Variants in EPHA6 observed in about 807,000 individuals in gnomAD.
EPHA6 encodes EPH receptor A6, also known as ephrin type-A receptor 6.
In EPHA6, 50 loss-of-function variants were observed where a neutral mutation model predicts 112.0. The observed-to-expected ratio is 0.45, with a 90% confidence interval of 0.36 to 0.56. EPHA6 has a LOEUF of 0.56. EPHA6 is among the 20% of genes least tolerant of loss of function. The probability of loss-of-function intolerance (pLI) is 0.00; values close to 1 mark genes in which losing one functional copy is unlikely to be tolerated. For synonymous variants in EPHA6, 529 were observed against 490.7 expected, an observed-to-expected ratio of 1.08 and a Z score of -1.03; for missense variants, 1,280 against 1,417.4, an observed-to-expected ratio of 0.90 and a Z score of 1.56.
intron 5 of EPHA6, among the ~76,000 whole-genome samples, chr3:97,255,773 A>T (rs1328372942): frequency 6.6e-6 from 1 of 152,174 alleles, no homozygotes. Context: ...TTAAAATCTC[A>T]TTAGACACTC....
chr3:97,573,555 C>A (rs1356643475), intron 11 of EPHA6, among the ~76,000 whole-genome samples: 1 of 151,806 alleles, frequency 6.6e-6, no homozygotes, highest in Non-Finnish European at 1.5e-5. Context: ...GTAAGGTAAC[C>A]AGTATGATGA....
At position 97,754,538 on chromosome 3, in the gene EPHA6, G is replaced by GA. The variant is rs1399160200; in HGVS notation, c.*5844dup. Among the ~76,000 whole-genome samples the GA allele has an allele frequency of 1.3e-5, 2 of 151,918 alleles. No individual in the cohort carries two copies. The highest frequency in any genetic ancestry group is 2.9e-5 in the Non-Finnish European group (2 of 67,968). Reference sequence around the variant, plus strand: ...GCAATCCAAAATTACATTTTAAAATGAAAAAAAGAGAAAACTTTTCAATTA... The same window carrying GA: ...GCAATCCAAAATTACATTTTAAAATGAAAAAAAAGAGAAAACTTTTCAATTA... On this transcript the variant is annotated 3_prime_UTR_variant, in exon 18 of 18. Coordinates refer to ENST00000389672, the MANE Select transcript of EPHA6 (RefSeq NM_001080448.3).
At chr3:97,645,933 G>A (rs760915783) in intron 14 of EPHA6, among the ~76,000 whole-genome samples, 6 of 152,068 alleles carry the variant, frequency 3.9e-5, no homozygotes, top group Non-Finnish European at 4.4e-5. Context: ...GAGAGGCTGC[G>A]AGGGCTTAAA....
At chr3:97,554,782 A>G (rs1046947216) in intron 11 of EPHA6, among the ~76,000 whole-genome samples, 2 of 151,980 alleles carry the variant, frequency 1.3e-5, no homozygotes, top group Admixed American at 6.6e-5. Context: ...TGTAGTCTGT[A>G]TCATGGTGGT....
rs184033902 is a variant in EPHA6 at position 97,398,921 on chromosome 3, A to C, written c.1607-6229A>C. ...TAATGATGAAATCAAGGTAATTAAC[A>C]TATACATCCCCTCAAACATTTATTT... On this transcript the variant is annotated intron_variant, in intron 5 of 17. Transcript: ENST00000389672. 1.3e-4 allele frequency among the ~76,000 whole-genome samples: 19 copies of C among 151,664 alleles called. No individual in the cohort carries two copies. The East Asian group carries it at 3.7e-3, about 29-fold the overall frequency.
intron 3 of EPHA6, among the ~76,000 whole-genome samples, chr3:97,068,935 G>A (rs2046268204): frequency 6.6e-6 from 1 of 152,236 alleles, no homozygotes; most frequent in African/African-American, 2.4e-5. Context: ...AATTTCTGTT[G>A]TTTATAAGCC....
At chr3:97,021,351 G>T (rs1335023924) in intron 3 of EPHA6, among the ~76,000 whole-genome samples, 4 of 152,060 alleles carry the variant, frequency 2.6e-5, no homozygotes, top group Non-Finnish European at 4.4e-5. Flanking sequence ...TCTAGCCGTT[G>T]CCTGCCCCTA....
chr3:97,142,316 CA>C (rs905048324), intron 3 of EPHA6, among the ~76,000 whole-genome samples: 3 of 152,004 alleles, frequency 2.0e-5, no homozygotes, highest in Admixed American at 2.0e-4. Flanking sequence ...GCTTCAGGCT[CA>C]AAGAGTGTGT....
Position 97,050,015 on chromosome 3 carries a change from G to A in EPHA6, c.1114+62022G>A, listed in dbSNP as rs561958596. Among the ~76,000 whole-genome samples the A allele has an allele frequency of 3.9e-5, 6 of 152,246 alleles. No individual in the cohort carries two copies. The South Asian group carries it at 1.0e-3, about 26-fold the overall frequency. ...AAACTTCAAAGAAAAGAGTGTTAAC[G>A]AGTAAGAAAAATAACTGTTTTTAAA... is the stretch of plus-strand genomic sequence containing the variant. On this transcript the variant is annotated intron_variant, in intron 3 of 17. Coordinates refer to ENST00000389672, the MANE Select transcript of EPHA6 (RefSeq NM_001080448.3).
At chr3:97,248,762 A>T (rs1041549488) in intron 5 of EPHA6, among the ~76,000 whole-genome samples, 2 of 152,108 alleles carry the variant, frequency 1.3e-5, no homozygotes, top group Non-Finnish European at 2.9e-5. Flanking sequence ...AATTAAACTG[A>T]CATTGAAAAT....
At chr3:97,085,927 T>TTGTATATATATA (rs1559718504) in intron 3 of EPHA6, among the ~76,000 whole-genome samples, 1 of 103,960 alleles carries the variant, frequency 9.6e-6, no homozygotes, top group Admixed American at 9.9e-5. Context: ...ATATATGATG[T>TTGTATATATATA]CATATATATA....
At chr3:97,494,600 A>C (rs1217271846) in intron 10 of EPHA6, among the ~76,000 whole-genome samples, 1 of 152,174 alleles carries the variant, frequency 6.6e-6, no homozygotes, top group African/African-American at 2.4e-5. Flanking sequence ...TCCAGCATTT[A>C]TCAGAACACC....
intron 3 of EPHA6, among the ~76,000 whole-genome samples, chr3:97,132,533 A>G (rs562151888): frequency 2.4e-4 from 37 of 151,998 alleles, no homozygotes; most frequent in Admixed American, 4.6e-4. Flanking sequence ...AGTTATTGAC[A>G]TGTTTTCTTG....
chr3:96,950,364 CT>C (rs892540237), intron 2 of EPHA6, among the ~76,000 whole-genome samples: 37 of 152,254 alleles, frequency 2.4e-4, no homozygotes, highest in African/African-American at 8.4e-4. Flanking sequence ...GACTGTGCCC[CT>C]GTAACACCCT....
chr3:97,241,251 T>C (rs2078837151), intron 4 of EPHA6, among the ~76,000 whole-genome samples: 1 of 151,938 alleles, frequency 6.6e-6, no homozygotes, highest in South Asian at 2.1e-4. Flanking sequence ...TTTTAGGTAG[T>C]TTATTATATG....
chr3:96,818,434 A>T (rs1402532837), intron 1 of EPHA6, among the ~76,000 whole-genome samples: 1 of 152,012 alleles, frequency 6.6e-6, no homozygotes, highest in Non-Finnish European at 1.5e-5. Flanking sequence ...TATTAGCAAT[A>T]CTTTGTGAAT....
chr3:97,413,297 C>T (rs372083322), intron 6 of EPHA6, among the ~76,000 whole-genome samples: 13 of 151,872 alleles, frequency 8.6e-5, no homozygotes, highest in South Asian at 8.3e-4. Context: ...GTTGAGGATG[C>T]GCCTGAGGAA....
intron 10 of EPHA6, among the ~76,000 whole-genome samples, chr3:97,530,493 C>T (rs964979907): frequency 4.6e-5 from 7 of 151,726 alleles, no homozygotes; most frequent in African/African-American, 1.5e-4. Context: ...CATGGTATTA[C>T]CTAAATCATT....
At chr3:97,505,528 T>G (rs905205126) in intron 10 of EPHA6, among the ~76,000 whole-genome samples, 1 of 152,208 alleles carries the variant, frequency 6.6e-6, no homozygotes, top group Non-Finnish European at 1.5e-5. Flanking sequence ...TCATCCTTTT[T>G]TATGGATGCA....
Sources: allele counts gnomAD v4.1 joint callset (sites outside exome capture counted in the v4.1 genomes callset), GRCh38; gene constraint gnomAD v4.1.1; transcripts MANE v1.5; gene names NCBI Gene and HGNC (gene_info 2026-07-23, HGNC 2026-07-21).